RIMKLB: variants seen among roughly 807,000 people sequenced by gnomAD.
The protein encoded by RIMKLB is beta-citrylglutamate synthase B.
In RIMKLB, 7 loss-of-function variants were observed where a neutral mutation model predicts 32.0. The observed-to-expected ratio is 0.22, with a 90% confidence interval of 0.12 to 0.41. The LOEUF (loss-of-function observed/expected upper bound fraction) is 0.41. Among genes scored for constraint, RIMKLB ranks in the 10% least tolerant of loss-of-function variants. The pLI is 1.00. For missense variants in RIMKLB, 289 were observed against 498.7 expected, an observed-to-expected ratio of 0.58 and a Z score of 4.00; for synonymous variants, 172 against 185.1, an observed-to-expected ratio of 0.93 and a Z score of 0.57.
At chr12:8,783,053 G>A (rs915932299) in exon 8 of RIMKLB, 7 of 152,262 alleles carry the variant, frequency 4.6e-5, no homozygotes, top group Non-Finnish European at 5.9e-5. Context: ...GTTTGATTCC[G>A]TCTGTTTTCT....
At chr12:8,682,482 C>G (rs111459189) in intron 1 of RIMKLB, among the ~76,000 whole-genome samples, 7,277 of 152,074 alleles carry the variant, frequency 0.048, 515 homozygotes, top group African/African-American at 0.16. Flanking sequence ...CAAGAATTTA[C>G]TGGGAAATGG....
intron 5 of RIMKLB, among the ~76,000 whole-genome samples, chr12:8,766,005 A>G (rs1270770734): frequency 6.6e-6 from 1 of 152,068 alleles, no homozygotes; most frequent in Admixed American, 6.5e-5. Context: ...GCAGTACTGC[A>G]GAAGAATATA....
At chr12:8,725,955 C>G (rs1356781215) in intron 2 of RIMKLB, among the ~76,000 whole-genome samples, 1 of 152,220 alleles carries the variant, frequency 6.6e-6, no homozygotes, top group East Asian at 1.9e-4. Context: ...TCAAGCGATT[C>G]TCCTGTCTCA....
chr12:8,713,904 C>T lies in RIMKLB; in HGVS notation c.38C>T (p.Thr13Ile). ...SSVAAKLWFLTDRRIREDYPQ... is the reference protein window; with the variant it reads ...SSVAAKLWFLIDRRIREDYPQ... Reference sequence around the variant, plus strand: ...GTGGCTGCCAAGTTGTGGTTTTTGACAGATCGTCGCATCAGGGAAGACTAT... The same window carrying T: ...GTGGCTGCCAAGTTGTGGTTTTTGATAGATCGTCGCATCAGGGAAGACTAT... The change falls in exon 2 of 6, where the codon ACA becomes ATA. Residue 13 changes from threonine (T) to isoleucine (I), a missense_variant. Thr to Ile is a moderately conservative substitution (Grantham distance 89, BLOSUM62 -1). Transcript: ENST00000535829. 1 of 1,614,106 alleles carries T rather than the reference C, an allele frequency of 6.2e-7. No homozygotes were observed. Among genetic ancestry groups the T allele is most frequent in the Non-Finnish European group, 8.5e-7 (1 of 1,180,002 alleles).
At chr12:8,746,795 C>A (rs6487354) in intron 2 of RIMKLB, among the ~76,000 whole-genome samples, 10,713 of 151,970 alleles carry the variant, frequency 0.07, 1,226 homozygotes, top group African/African-American at 0.24. Context: ...GGTCTTTGTC[C>A]TCCAGGTTGA....
At chr12:8,772,188 AT>A (rs1467563987) in intron 5 of RIMKLB, among the ~76,000 whole-genome samples, 2 of 152,016 alleles carry the variant, frequency 1.3e-5, no homozygotes, top group Non-Finnish European at 2.9e-5. Flanking sequence ...GCTGGCCCAA[AT>A]TTTTTATCTT....
At chr12:8,701,084 CTG>C (rs1943352374) in intron 1 of RIMKLB, among the ~76,000 whole-genome samples, 2 of 151,850 alleles carry the variant, frequency 1.3e-5, no homozygotes, top group South Asian at 4.2e-4. Flanking sequence ...AAAAAAGAAA[CTG>C]TAATACGTTA....
At chr12:8,701,174 G>C (rs1028008947) in intron 1 of RIMKLB, among the ~76,000 whole-genome samples, 1 of 152,332 alleles carries the variant, frequency 6.6e-6, no homozygotes, top group Non-Finnish European at 1.5e-5. Context: ...GATATGTGCA[G>C]TTGTTTCAAG....
At chr12:8,684,732 C>A (rs1447816007) in intron 1 of RIMKLB, among the ~76,000 whole-genome samples, 2 of 152,154 alleles carry the variant, frequency 1.3e-5, no homozygotes, top group African/African-American at 4.8e-5. Context: ...GTGATTCTCT[C>A]ACCTCGGTCT....
chr12:8,697,655 G>A, upstream of RIMKLB: 1 of 266,588 alleles, frequency 3.8e-6, no homozygotes, highest in African/African-American at 2.3e-5. Context: ...GTGGGGAGGC[G>A]CGTCCTCGGA....
At chr12:8,689,599 CCTCT>C (rs1019661634) in intron 1 of RIMKLB, among the ~76,000 whole-genome samples, 45 of 152,186 alleles carry the variant, frequency 3.0e-4, no homozygotes, top group African/African-American at 1.1e-3. Flanking sequence ...GTTATTTCTT[CCTCT>C]CTGTCACGTT....
At chr12:8,718,399 A>G (rs1945068165) in intron 2 of RIMKLB, among the ~76,000 whole-genome samples, 1 of 152,210 alleles carries the variant, frequency 6.6e-6, no homozygotes, top group Admixed American at 6.5e-5. Flanking sequence ...TAATCCCAGC[A>G]CTTTGGGAAT....
At chr12:8,765,508 C>T (rs945277538) in intron 5 of RIMKLB, among the ~76,000 whole-genome samples, 12 of 152,262 alleles carry the variant, frequency 7.9e-5, no homozygotes, top group African/African-American at 2.9e-4. Flanking sequence ...TTATATCTCT[C>T]CATGTCAGAT....
At chr12:8,714,193 A>G in intron 2 of RIMKLB, 152 bp downstream of exon 2, 4 of 597,998 alleles carry the variant, frequency 6.7e-6, no homozygotes, top group South Asian at 2.2e-5. Flanking sequence ...TGAAAGTAAT[A>G]TAAACACTAA....
upstream of RIMKLB, among the ~76,000 whole-genome samples, chr12:8,696,835 G>A (rs1373885587): frequency 6.6e-6 from 1 of 152,210 alleles, no homozygotes; most frequent in African/African-American, 2.4e-5. Flanking sequence ...AGGTCACTGA[G>A]ACAGGGCTGA....
chr12:8,740,871 A>G (rs1048751331), intron 2 of RIMKLB, among the ~76,000 whole-genome samples: 1 of 151,982 alleles, frequency 6.6e-6, no homozygotes, highest in Non-Finnish European at 1.5e-5. Flanking sequence ...TCAGGAGTTC[A>G]AGACCAGCCT....
intron 2 of RIMKLB, among the ~76,000 whole-genome samples, chr12:8,726,637 A>C (rs1048022900): frequency 1.4e-5 from 2 of 147,954 alleles, no homozygotes; most frequent in African/African-American, 4.9e-5. Flanking sequence ...TTTACCCACA[A>C]GTTTACTGGG....
chr12:8,673,281 C>CA, the RIMKLB span, among the ~76,000 whole-genome samples: 4 of 152,118 alleles, frequency 2.6e-5, no homozygotes, highest in African/African-American at 9.7e-5. Context: ...GCTGGTCTTT[C>CA]AAATACTCCT....
chr12:8,711,321 C>T (rs774975894), intron 1 of RIMKLB, among the ~76,000 whole-genome samples: 9 of 151,978 alleles, frequency 5.9e-5, no homozygotes, highest in East Asian at 1.9e-4. Context: ...ATCACTTAGG[C>T]CGAGGAGTTT....
Sources: gnomAD v4.1 joint callset for allele counts (sites outside exome capture counted in the v4.1 genomes callset) on GRCh38, gnomAD v4.1.1 for gene constraint, MANE v1.5 for transcripts, NCBI Gene and HGNC (gene_info 2026-07-23, HGNC 2026-07-21) for gene names.